Variants in MCF2L observed in about 807,000 individuals in gnomAD.
The protein encoded by MCF2L is MCF.2 cell line derived transforming sequence like.
MCF2L carries 97 observed loss-of-function variants against 153.4 expected under a neutral mutation model. The ratio of observed to expected loss-of-function variants is 0.63; its 90% CI spans 0.54 to 0.75. The LOEUF (loss-of-function observed/expected upper bound fraction) is 0.75, where lower values mean the gene tolerates loss of function less well. Ranked by LOEUF, MCF2L falls within the 30% of genes least tolerant of loss-of-function variation. The pLI, the probability that MCF2L is intolerant of heterozygous loss-of-function variation, is 0.00. For synonymous variants in MCF2L, 659 were observed against 632.2 expected, an observed-to-expected ratio of 1.04 and a Z score of -0.64; for missense variants, 1,347 against 1,495.2, an observed-to-expected ratio of 0.90 and a Z score of 1.64.
chr13:112,921,038 G>A (rs1337074855), intron 2 of MCF2L, among the ~76,000 whole-genome samples: 4 of 151,874 alleles, frequency 2.6e-5, no homozygotes, highest in African/African-American at 9.7e-5. Context: ...TTAGCCGGGT[G>A]TGGTGGCGGG....
At chr13:113,023,057 C>T (rs549074102) in intron 2 of MCF2L, among the ~76,000 whole-genome samples, 15 of 152,318 alleles carry the variant, frequency 9.8e-5, no homozygotes, top group African/African-American at 3.1e-4. Flanking sequence ...ACCCTGCAGC[C>T]GCCTTCCCCT....
chr13:112,968,812 G>C (rs2081945451), upstream of MCF2L: 1 of 1,326,272 alleles, frequency 7.5e-7, no homozygotes, highest in East Asian at 3.1e-5. Context: ...AGGAGGGCGT[G>C]GAGACCCGGA....
intron 3 of MCF2L, among the ~76,000 whole-genome samples, chr13:113,030,304 G>A (rs1395658821): frequency 1.5e-5 from 2 of 134,064 alleles, no homozygotes; most frequent in African/African-American, 3.0e-5. Flanking sequence ...GGTGTCCGCC[G>A]ACGCCCGGTG....
At chr13:112,963,408 G>T (rs1464437767) in intron 2 of MCF2L, among the ~76,000 whole-genome samples, 2 of 152,198 alleles carry the variant, frequency 1.3e-5, no homozygotes, top group African/African-American at 4.8e-5. Flanking sequence ...TCCTCAGAGC[G>T]CTCTCTTTGC....
intron 2 of MCF2L, among the ~76,000 whole-genome samples, chr13:112,924,475 A>G (rs570620101): frequency 6.6e-6 from 1 of 152,292 alleles, no homozygotes; most frequent in East Asian, 1.9e-4. Flanking sequence ...CAAGGAGAAG[A>G]TCTAATGGGA....
At chr13:113,004,695 C>G (rs1361669727) in intron 1 of MCF2L, among the ~76,000 whole-genome samples, 1 of 152,210 alleles carries the variant, frequency 6.6e-6, no homozygotes, top group Non-Finnish European at 1.5e-5. Flanking sequence ...AGGTTGTGTT[C>G]AGGGTGAGGT....
chr13:112,914,969 G>A (rs915678041), intron 2 of MCF2L, among the ~76,000 whole-genome samples: 7 of 151,858 alleles, frequency 4.6e-5, no homozygotes, highest in South Asian at 2.1e-4. Flanking sequence ...TTCCTATTCT[G>A]AGGTTATACA....
chr13:113,069,971 G>A, intron 8 of MCF2L, 88 bp from the exon 9 acceptor site: 1 of 835,598 alleles, frequency 1.2e-6, no homozygotes, highest in Non-Finnish European at 1.9e-6. Context: ...GTGGAGATGA[G>A]CCTTGGGGTC....
chr13:112,915,273 G>A (rs999547005), intron 2 of MCF2L, among the ~76,000 whole-genome samples: 1 of 151,796 alleles, frequency 6.6e-6, no homozygotes, highest in Non-Finnish European at 1.5e-5. Context: ...GCCGGGTGTG[G>A]TGGCAGGCAC....
At chr13:113,047,350 T>C (rs1349969173) in intron 4 of MCF2L, 2 of 152,280 alleles carry the variant, frequency 1.3e-5, no homozygotes, top group African/African-American at 4.8e-5. Context: ...AACAGCCATG[T>C]GTGCCTTTCA....
In MCF2L at chr13:113,085,284, A is replaced by G. The variant is rs1179746954; in HGVS notation, c.2247+106A>G. The G allele has an allele frequency of 4.5e-6, 4 of 882,616 alleles. No homozygotes were observed. In the African/African-American group the frequency reaches 5.0e-5, roughly 11 times the overall value. The allele number at this position is 882,616 out of a possible 1,614,324, so 54.7% of individuals were successfully genotyped here. On this transcript the variant is annotated intron_variant, in intron 20 of 29. Transcript: ENST00000535094. Reference sequence around the variant, plus strand: ...ATCGCGCCCTGCCCCTCCCAGGCCAAGGGCACCTCTTCCGAGCCTGTGCTG... The same window carrying G: ...ATCGCGCCCTGCCCCTCCCAGGCCAGGGGCACCTCTTCCGAGCCTGTGCTG...
intron 1 of MCF2L, chr13:112,979,389 G>A (rs1385924085): frequency 2.7e-5 from 37 of 1,365,444 alleles, no homozygotes; most frequent in South Asian, 1.3e-4. Context: ...TCTTCCAGGC[G>A]TGCAGGGCAG....
chr13:113,092,497 C>T (rs1566886105), intron 26 of MCF2L, among the ~76,000 whole-genome samples: 1 of 152,296 alleles, frequency 6.6e-6, no homozygotes, highest in East Asian at 1.9e-4. Context: ...GGCCACTGCC[C>T]GTGGGTCATT....
At position 113,001,982 on chromosome 13, in the gene MCF2L, A is replaced by T. The variant is rs996525577; in HGVS notation, c.80-12781A>T. ...TGTGGCTGCTGCTGAAGGCCGGCGC[A>T]GGTGCGTGGGGCGCGGGCGGGTCCT... On this transcript the variant is annotated intron_variant, in intron 1 of 29. Transcript: ENST00000535094. 1.3e-5 allele frequency: 20 copies of T among 1,582,030 alleles called. No homozygotes were observed. In the Admixed American group the frequency reaches 3.4e-4, roughly 27 times the overall value.
intron 1 of MCF2L, among the ~76,000 whole-genome samples, chr13:112,999,543 G>A (rs1348369410): frequency 6.6e-6 from 1 of 152,180 alleles, no homozygotes; most frequent in Non-Finnish European, 1.5e-5. Context: ...GCCGCTGTAC[G>A]GCTGGCTGCC....
intron 1 of MCF2L, among the ~76,000 whole-genome samples, chr13:113,007,828 C>T (rs568682695): frequency 6.6e-6 from 1 of 152,182 alleles, no homozygotes; most frequent in Non-Finnish European, 1.5e-5. Context: ...CAGAAGATCC[C>T]TGCACACACG....
At chr13:112,949,716 G>A (rs1288566818) in intron 2 of MCF2L, among the ~76,000 whole-genome samples, 3 of 150,676 alleles carry the variant, frequency 2.0e-5, no homozygotes, top group African/African-American at 4.9e-5. Context: ...AAAACTCTAG[G>A]ACAGATAGGA....
Position 113,084,061 on chromosome 13 carries a change from G to A in MCF2L, c.2055G>A (p.Leu685=). ...DCPELVGRCF[L]ERMEDFQIYE... is the part of the protein sequence containing the mutation. ...CAGAACTGGTTGGAAGATGCTTTCT[G>A]GAGAGGGTAGGTGGTGTTTTGACGT... Residue 685 remains leucine (L), a synonymous_variant, in exon 18 of 30, where the codon CTG becomes CTA. Coordinates refer to ENST00000535094, the MANE Select transcript of MCF2L (RefSeq NM_001112732.3). The A allele has an allele frequency of 6.2e-7, 1 of 1,613,606 alleles. No homozygotes were observed. Among genetic ancestry groups the A allele is most frequent in the Non-Finnish European group, 8.5e-7 (1 of 1,179,528 alleles).
chr13:113,055,338 G>C (rs535943584), intron 4 of MCF2L, among the ~76,000 whole-genome samples: 71 of 147,054 alleles, frequency 4.8e-4, no homozygotes, highest in African/African-American at 1.6e-3. Context: ...GAGGCTTTAG[G>C]GGCAAATAGT....
Sources: allele counts gnomAD v4.1 joint callset (sites outside exome capture counted in the v4.1 genomes callset), GRCh38; gene constraint gnomAD v4.1.1; transcripts MANE v1.5; gene names NCBI Gene and HGNC (gene_info 2026-07-23, HGNC 2026-07-21).